Variants in SPEF2 observed in about 807,000 individuals in gnomAD.
The protein encoded by SPEF2 is sperm flagellar and cilia associated 2.
A neutral mutation model predicts 224.6 loss-of-function variants in SPEF2; 187 were observed. The ratio of observed to expected loss-of-function variants is 0.83; its 90% CI spans 0.74 to 0.94. The LOEUF is 0.94. Ranked by LOEUF, SPEF2 falls within the 40% of genes least tolerant of loss-of-function variation. The pLI, the probability that SPEF2 is intolerant of heterozygous loss-of-function variation, is 0.00. For missense variants in SPEF2, 2,170 were observed against 2,135.6 expected, an observed-to-expected ratio of 1.02 and a Z score of -0.32; for synonymous variants, 715 against 707.3, an observed-to-expected ratio of 1.01 and a Z score of -0.17.
chr5:35,657,283 GA>G (rs1423291664), intron 7 of SPEF2, among the ~76,000 whole-genome samples: 1 of 152,208 alleles, frequency 6.6e-6, no homozygotes, highest in Non-Finnish European at 1.5e-5. Context: ...GAGACAGCCA[GA>G]GACCTGTGCT....
intron 21 of SPEF2, among the ~76,000 whole-genome samples, chr5:35,734,715 T>C (rs961571590): frequency 1.2e-4 from 18 of 144,966 alleles, no homozygotes; most frequent in East Asian, 4.0e-4. Context: ...TTTTCTTTTT[T>C]TTTTTTTTTT....
intron 26 of SPEF2, among the ~76,000 whole-genome samples, chr5:35,768,223 T>C (rs1189929263): frequency 6.6e-6 from 1 of 152,096 alleles, no homozygotes; most frequent in Non-Finnish European, 1.5e-5. Context: ...ATGTCAATAT[T>C]AGTGATGACG....
intron 30 of SPEF2, among the ~76,000 whole-genome samples, chr5:35,787,499 A>G (rs187083969): frequency 3.6e-4 from 55 of 152,270 alleles, no homozygotes; most frequent in African/African-American, 1.2e-3. Flanking sequence ...TTCATACAAG[A>G]CGCGTGTAAG....
intron 21 of SPEF2, among the ~76,000 whole-genome samples, chr5:35,731,486 G>A (rs1454787959): frequency 1.3e-5 from 2 of 152,050 alleles, no homozygotes; most frequent in Admixed American, 6.6e-5. Context: ...AAAGATAATT[G>A]AGGCTTCCCT....
intron 34 of SPEF2, among the ~76,000 whole-genome samples, chr5:35,801,039 TCTC>T (rs756179411): frequency 7.9e-5 from 12 of 152,132 alleles, no homozygotes; most frequent in African/African-American, 9.7e-5. Flanking sequence ...GACAGAAAGA[TCTC>T]CTTCCCATTC....
intron 1 of SPEF2, 85 bp from the exon 2 acceptor site, chr5:35,628,375 T>C: frequency 1.3e-6 from 1 of 767,814 alleles, no homozygotes; most frequent in Non-Finnish European, 2.1e-6. Flanking sequence ...TTGTGTAGTT[T>C]TTAGTGTATG....
chr5:35,763,792 A>G (rs906819478), intron 26 of SPEF2, 90 bp downstream of exon 26: 5 of 1,278,430 alleles, frequency 3.9e-6, no homozygotes, highest in Non-Finnish European at 5.3e-6. Context: ...AATTGACACA[A>G]TGCTCTCAAG....
chr5:35,708,639 TACCAGCACCTCCACCACCACTACC>T (rs1740404885), intron 18 of SPEF2, among the ~76,000 whole-genome samples: 1 of 938 alleles, frequency 1.1e-3, no homozygotes, highest in Admixed American at 0.014. Context: ...CCATCACCTC[TACCAGCACCTCCACCACCACTACC>T]ACCAGCACCA....
In SPEF2 at chr5:35,776,409, T is replaced by A; in HGVS notation, c.4217+14T>A. The A allele has an allele frequency of 6.3e-7, 1 of 1,590,590 alleles. No homozygotes were observed. Among genetic ancestry groups the A allele is most frequent in the Non-Finnish European group, 8.5e-7 (1 of 1,171,978 alleles). ...TGAAATGGCCAGGTAAAGTACTACA[T>A]GACTTTCTGAAAATATGCTTTGTGT... is the stretch of plus-strand genomic sequence containing the variant. On this transcript the variant is annotated intron_variant, in intron 29 of 36. Coordinates refer to ENST00000356031, the MANE Select transcript of SPEF2 (RefSeq NM_024867.4).
In SPEF2 at chr5:35,697,771, G is replaced by A. The variant is rs1755540737; in HGVS notation, c.2119G>A (p.Asp707Asn). 1.2e-6 allele frequency: 2 copies of A among 1,612,612 alleles called. No homozygotes were observed. The highest frequency in any genetic ancestry group is 2.7e-5 in the African/African-American group (2 of 74,840). ...GKSIPDVLLVDIIVNAINEIP... is the reference protein window; with the variant it reads ...GKSIPDVLLVNIIVNAINEIP... ...GAGCATTCCTGATGTGCTGCTTGTTGACATCATAGTAAATGCTATTAAGTA... is the reference window on the plus strand; with the variant it reads ...GAGCATTCCTGATGTGCTGCTTGTTAACATCATAGTAAATGCTATTAAGTA... Residue 707 changes from aspartate to asparagine, a missense_variant, in exon 15 of 37, where the codon GAC becomes AAC. Physicochemically the swap from Asp to Asn is conservative, Grantham distance 23. Coordinates refer to ENST00000356031, the MANE Select transcript of SPEF2 (RefSeq NM_024867.4).
chr5:35,721,155 CT>C lies in SPEF2; in HGVS notation c.2915-6516del, dbSNP rs551865854. Among the ~76,000 whole-genome samples the C allele has an allele frequency of 2.2e-3, 338 of 152,198 alleles. 1 individual carries two copies. The highest frequency in any genetic ancestry group is 8.0e-3 in the African/African-American group (334 of 41,518). On this transcript the variant is annotated intron_variant, in intron 20 of 36. Coordinates refer to ENST00000356031, the MANE Select transcript of SPEF2 (RefSeq NM_024867.4). The stretch of plus-strand genomic sequence containing the variant: ...TAGTTAATATGTTCACACAGAGAAC[CT>C]TTTCTGCAAGATTAATTTCCACAAT...
chr5:35,676,622 G>A lies in SPEF2; in HGVS notation c.1524+6395G>A, dbSNP rs144337849. 5.1e-3 allele frequency among the ~76,000 whole-genome samples: 772 copies of A among 152,162 alleles called. 9 individuals carry two copies. The highest frequency in any genetic ancestry group is 0.014 in the Middle Eastern group (4 of 294). On this transcript the variant is annotated intron_variant, in intron 10 of 36. Coordinates refer to ENST00000356031, the MANE Select transcript of SPEF2 (RefSeq NM_024867.4). ...CGGGCACCTGTAATTCCAGCTACTT[G>A]GGAGGCTAAGGCACAAGAATCCCTT...
Position 35,725,864 on chromosome 5 carries a change from A to T in SPEF2, c.2915-1811A>T, listed in dbSNP as rs539786481. On this transcript the variant is annotated intron_variant, in intron 20 of 36. Coordinates refer to ENST00000356031, the MANE Select transcript of SPEF2 (RefSeq NM_024867.4). ...CTATCAGGTTCTTACAACAAAAAAA[A>T]TTGGTAATATGTACCTTCACCATAT... 3.9e-5 allele frequency among the ~76,000 whole-genome samples: 6 copies of T among 152,308 alleles called. No homozygotes were observed. The East Asian group carries it at 7.7e-4, about 20-fold the overall frequency.
At chr5:35,735,393 C>G (rs1177534447) in intron 21 of SPEF2, among the ~76,000 whole-genome samples, 2 of 152,232 alleles carry the variant, frequency 1.3e-5, no homozygotes, top group African/African-American at 4.8e-5. Flanking sequence ...TGAATGTAGT[C>G]TGTCCTTCTC....
At chr5:35,692,858 A>G (rs998655787) in intron 12 of SPEF2, 134 bp downstream of exon 12, 13 of 698,682 alleles carry the variant, frequency 1.9e-5, no homozygotes, top group Admixed American at 3.2e-5. Context: ...AGGTTCTGCA[A>G]AAGTCTAGAA....
At chr5:35,806,576 G>A (rs1758086831) in intron 34 of SPEF2, 131 bp from the exon 35 acceptor site, 1 of 1,136,526 alleles carries the variant, frequency 8.8e-7, no homozygotes, top group Non-Finnish European at 1.2e-6. Flanking sequence ...CCTCTAGACT[G>A]GTTAGCTAGT....
chr5:35,790,954 A>G (rs1412856374), intron 30 of SPEF2: 1 of 152,222 alleles, frequency 6.6e-6, no homozygotes. Context: ...ATTCTTATGT[A>G]AACTGTAAGT....
intron 15 of SPEF2, chr5:35,698,025 G>A: frequency 3.0e-6 from 1 of 329,040 alleles, no homozygotes; most frequent in Non-Finnish European, 5.6e-6. Context: ...AATAAAGTCA[G>A]GTTCTATTAC....
intron 16 of SPEF2, chr5:35,702,290 G>T (rs1373942288): frequency 2.2e-6 from 1 of 456,198 alleles, no homozygotes; most frequent in Non-Finnish European, 4.4e-6. Flanking sequence ...AGCCACGTGG[G>T]CTACAAAGTC....
Sources: gnomAD v4.1 joint callset for allele counts (sites outside exome capture counted in the v4.1 genomes callset) on GRCh38, gnomAD v4.1.1 for gene constraint, MANE v1.5 for transcripts, NCBI Gene and HGNC (gene_info 2026-07-23, HGNC 2026-07-21) for gene names.